Variants in POLR1C observed in about 807,000 individuals in gnomAD.
POLR1C encodes the protein DNA-directed RNA polymerases I and III subunit RPAC1.
In POLR1C, 42 loss-of-function variants were observed where a neutral mutation model predicts 38.3. That is an observed-to-expected ratio of 1.10 (90% CI 0.86 to 1.42). The LOEUF (loss-of-function observed/expected upper bound fraction) is 1.42, where lower values mean the gene tolerates loss of function less well. Ranked by LOEUF, POLR1C falls within the 40% of genes most tolerant of loss-of-function variation. POLR1C has a pLI of 0.00. For missense variants in POLR1C, 507 were observed against 450.5 expected, an observed-to-expected ratio of 1.13 and a Z score of -1.14; for synonymous variants, 163 against 163.9, an observed-to-expected ratio of 0.99 and a Z score of 0.04.
intron 9 of POLR1C, among the ~76,000 whole-genome samples, chr6:43,537,737 G>T (rs1345791188): frequency 2.6e-5 from 4 of 152,054 alleles, no homozygotes; most frequent in Non-Finnish European, 4.4e-5. Flanking sequence ...GGAAACTCTG[G>T]AAATACAAGT....
At chr6:43,548,579 G>T (rs1795076394) in intron 9 of POLR1C, 5 of 894,530 alleles carry the variant, frequency 5.6e-6, no homozygotes, top group East Asian at 2.9e-5. Context: ...AGGCCTATAA[G>T]GTTATTATTT....
rs910709453 is a variant in POLR1C, at chr6:43,520,917, G to T, written c.806-15G>T. ...TTAGAAAAAGGAATAAAAAAACATG[G>T]TTTGTTCTCATTAGGTAAAAAGGTG... On this transcript the variant is annotated splice_polypyrimidine_tract_variant and intron_variant, in intron 7 of 8. Coordinates refer to ENST00000642195, the MANE Select transcript of POLR1C (RefSeq NM_203290.4). 3 of 1,612,254 alleles carry T rather than the reference G, an allele frequency of 1.9e-6. No individual in the cohort carries two copies. Among genetic ancestry groups the T allele is most frequent in the Non-Finnish European group, 2.5e-6 (3 of 1,178,270 alleles).
At chr6:43,522,502 A>G (rs1793250589), downstream of POLR1C, 1 of 209,088 alleles carries the variant, frequency 4.8e-6, no homozygotes, top group Admixed American at 5.7e-5. Context: ...CCAACCAGAC[A>G]GGAATAGGCA....
intron 10 of POLR1C, among the ~76,000 whole-genome samples, chr6:43,559,926 C>T (rs1762321330): frequency 6.6e-6 from 1 of 152,142 alleles, no homozygotes; most frequent in Admixed American, 6.6e-5. Flanking sequence ...GGTGATCCTC[C>T]CACCTTAAGC....
intron 10 of POLR1C, chr6:43,555,923 G>A: frequency 1.4e-5 from 22 of 1,613,936 alleles, no homozygotes; most frequent in South Asian, 2.2e-5. Context: ...GGATCCAAAC[G>A]ACATGCCAAC....
At chr6:43,529,063 A>T (rs575564678) in intron 8 of POLR1C, 1 of 1,108,124 alleles carries the variant, frequency 9.0e-7, no homozygotes, top group Non-Finnish European at 1.3e-6. Flanking sequence ...ACAGTGAAAA[A>T]ATCTTAAAGT....
chr6:43,544,083 T>C (rs1413070075), intron 9 of POLR1C: 21 of 152,664 alleles, frequency 1.4e-4, no homozygotes, highest in Admixed American at 1.4e-3. Flanking sequence ...TGCCTTTTGA[T>C]TGATTTTTGG....
At chr6:43,526,518 G>C (rs1793601167) in intron 8 of POLR1C, 1 of 694,972 alleles carries the variant, frequency 1.4e-6, no homozygotes, top group Non-Finnish European at 2.5e-6. Context: ...CAAAGGCTTG[G>C]AGGTGGGAGT....
intron 8 of POLR1C, chr6:43,528,037 A>C (rs1458170251): frequency 2.9e-6 from 3 of 1,029,312 alleles, no homozygotes; most frequent in Non-Finnish European, 4.3e-6. Flanking sequence ...ACCTAGGCTG[A>C]GAATGACTAC....
intron 10 of POLR1C, chr6:43,555,311 CAG>C (rs140195439): frequency 0.032 from 4,965 of 153,184 alleles, 258 homozygotes; most frequent in African/African-American, 0.11. Flanking sequence ...ATTTGGAGTA[CAG>C]AGAAGTTAAC....
At position 43,520,404 on chromosome 6, in the gene POLR1C, T is replaced by C. The variant is rs778479933; in HGVS notation, c.632T>C (p.Leu211Pro). 6.2e-7 allele frequency: 1 copy of C among 1,613,770 alleles called. No homozygotes were observed. The highest frequency in any genetic ancestry group is 2.2e-5 in the East Asian group (1 of 44,886). ...QLRPGQEIDLLMHCVKGIGKD... is the reference protein window; with the variant it reads ...QLRPGQEIDLPMHCVKGIGKD... ...CGGCCTGGCCAAGAAATTGACCTGC[T>C]CATGCACTGTGTCAAGGGCATTGGT... is the stretch of plus-strand genomic sequence containing the variant. Residue 211 changes from leucine (L) to proline (P), a missense_variant, in exon 6 of 9, where the codon CTC (leucine) becomes CCC (proline). Physicochemically the swap from Leu to Pro is moderately conservative, Grantham distance 98. Transcript: ENST00000642195.
At chr6:43,534,873 G>A (rs530501058) in intron 9 of POLR1C, among the ~76,000 whole-genome samples, 3 of 152,010 alleles carry the variant, frequency 2.0e-5, no homozygotes, top group East Asian at 1.9e-4. Flanking sequence ...TGGTGCATGC[G>A]TGTAATCCCA....
At chr6:43,524,639 A>T (rs778510766), downstream of POLR1C, 223 of 1,613,370 alleles carry the variant, frequency 1.4e-4, no homozygotes, top group Non-Finnish European at 1.8e-4. Flanking sequence ...TGGGGCGCTG[A>T]TATCAGCAGG....
intron 10 of POLR1C, chr6:43,556,139 T>A: frequency 1.2e-6 from 1 of 829,838 alleles, no homozygotes; most frequent in South Asian, 2.3e-5. Context: ...ATCCAGAAGT[T>A]TTTGAAAATA....
chr6:43,560,309 G>C (rs1229658837), intron 10 of POLR1C: 4 of 1,572,352 alleles, frequency 2.5e-6, no homozygotes, highest in Non-Finnish European at 3.4e-6. Flanking sequence ...AGAAACTAAA[G>C]AGAAAAAAAA....
chr6:43,531,615 T>A (rs377669433), downstream of POLR1C: 1 of 1,551,504 alleles, frequency 6.4e-7, no homozygotes, highest in Non-Finnish European at 8.9e-7. Flanking sequence ...TGCTCCACTG[T>A]CAGGAGTCTC....
downstream of POLR1C, chr6:43,525,046 A>G (rs1188241954): frequency 4.4e-6 from 7 of 1,580,774 alleles, no homozygotes. Context: ...TGAATGATTT[A>G]GTCAGTCTGC....
At chr6:43,526,865 G>T in intron 8 of POLR1C, 17 of 1,016,126 alleles carry the variant, frequency 1.7e-5, no homozygotes, top group Non-Finnish European at 2.6e-5. Context: ...GAAGATGGGG[G>T]TACCGTCCAA....
At chr6:43,522,761 C>T (rs540653050), downstream of POLR1C, 2 of 479,256 alleles carry the variant, frequency 4.2e-6, no homozygotes, top group East Asian at 1.2e-4. Flanking sequence ...GTGCAGAGCA[C>T]ATGGACACAC....
Sources: allele counts gnomAD v4.1 joint callset (sites outside exome capture counted in the v4.1 genomes callset), GRCh38; gene constraint gnomAD v4.1.1; transcripts MANE v1.5; gene names NCBI Gene and HGNC (gene_info 2026-07-23, HGNC 2026-07-21).